Variants in ADAR observed in about 807,000 individuals in gnomAD.
The protein encoded by ADAR is double-stranded RNA-specific adenosine deaminase.
In ADAR, 41 loss-of-function variants were observed where a neutral mutation model predicts 113.2. The ratio of observed to expected loss-of-function variants is 0.36; its 90% confidence interval spans 0.28 to 0.47. The LOEUF is 0.47. ADAR is among the 20% of genes least tolerant of loss of function. ADAR has a pLI of 1.00. For synonymous variants in ADAR, 605 were observed against 572.6 expected (o/e 1.06, Z -0.81); for missense variants, 1,242 against 1,540.9 (o/e 0.81, Z 3.25).
chr1:154,592,906 C>T (rs1342353581), intron 6 of ADAR, among the ~76,000 whole-genome samples: 12 of 151,574 alleles, frequency 7.9e-5, no homozygotes, highest in Admixed American at 4.0e-4. Flanking sequence ...GAGGCTGAGG[C>T]GGGTGGATCA....
intron 1 of ADAR, chr1:154,606,062 T>A: frequency 1.9e-6 from 1 of 538,462 alleles, no homozygotes; most frequent in Non-Finnish European, 2.4e-6. Flanking sequence ...TGGAGTGCAG[T>A]GGCATGATCT....
chr1:154,583,546 C>T lies in ADAR; in HGVS notation c.*1260G>A, dbSNP rs1405874994. ...CCTGCCCTTTCACCCACAACTACTG[C>T]TTTCTATGTCAACCCTATAAAGATC... On this transcript the variant is annotated 3_prime_UTR_variant, in exon 15 of 15. Coordinates refer to ENST00000368474, the MANE Select transcript of ADAR (RefSeq NM_001111.5). 3.3e-5 allele frequency: 5 copies of T among 152,236 alleles called. No individual in the cohort carries two copies. The highest frequency in any genetic ancestry group is 7.3e-5 in the Non-Finnish European group (5 of 68,058). 9.4% of individuals were successfully genotyped at this position (152,236 alleles called of 1,614,324 possible).
In ADAR at chr1:154,582,251, A is replaced by C. The variant is rs981531408; in HGVS notation, c.*2555T>G. The C allele has an allele frequency of 3.3e-5, 5 of 152,614 alleles. No homozygotes were observed. In the East Asian group the frequency reaches 9.7e-4, roughly 29 times the overall value. 9.5% of individuals were successfully genotyped at this position (152,614 alleles called of 1,614,324 possible). On this transcript the variant is annotated 3_prime_UTR_variant, in exon 15 of 15. Coordinates refer to ENST00000368474, the MANE Select transcript of ADAR (RefSeq NM_001111.5). Reference sequence around the variant, plus strand: ...CAACCAAGACTCCAAAAAACCAACGAAGTCCCTTCAATGTGAGTAAAGGAA... The same window carrying C: ...CAACCAAGACTCCAAAAAACCAACGCAGTCCCTTCAATGTGAGTAAAGGAA...
At chr1:154,598,019 C>A (rs774775350) in intron 3 of ADAR, 43 bp from the exon 4 acceptor site, 22 of 1,596,030 alleles carry the variant, frequency 1.4e-5, no homozygotes, top group African/African-American at 4.0e-5. Flanking sequence ...ACTAAGAAAA[C>A]ACTGGTTAGT....
chr1:154,588,758 G>C, intron 9 of ADAR, 85 bp from the exon 10 acceptor site: 1 of 1,564,846 alleles, frequency 6.4e-7, no homozygotes, highest in Non-Finnish European at 8.8e-7. Flanking sequence ...AAATGAGAAA[G>C]TAAGGAAAAG....
chr1:154,627,789 G>C, intron 1 of ADAR: 1 of 510,704 alleles, frequency 2.0e-6, no homozygotes, highest in Non-Finnish European at 3.9e-6. Flanking sequence ...CCAGAGACTG[G>C]AGAGGCCGCA....
intron 8 of ADAR, 59 bp from the exon 9 acceptor site, chr1:154,589,521 T>C: frequency 6.8e-7 from 1 of 1,470,458 alleles, no homozygotes. Flanking sequence ...GAAAACAGGA[T>C]GAAGGCTATT....
intron 10 of ADAR, 30 bp from the exon 11 acceptor site, chr1:154,588,288 A>C: frequency 1.1e-5 from 18 of 1,613,598 alleles, no homozygotes; most frequent in Non-Finnish European, 1.4e-5. Flanking sequence ...GTTAAAACTC[A>C]CCTGTGGGAA....
chr1:154,585,123 G>A, intron 14 of ADAR, 80 bp from the exon 15 acceptor site: 1 of 1,612,510 alleles, frequency 6.2e-7, no homozygotes, highest in Non-Finnish European at 8.5e-7. Context: ...TGGGAGGGGA[G>A]GCGGCTCTCA....
At chr1:154,610,824 G>GAAAAAAAAAAAAAAAAAAAAAAA (rs1298389364), upstream of ADAR, among the ~76,000 whole-genome samples, 1 of 65,204 alleles carries the variant, frequency 1.5e-5, no homozygotes, top group Non-Finnish European at 2.7e-5. Context: ...AAAAAAAAAA[G>GAAAAAAAAAAAAAAAAAAAAAAA]AAAAAAAAAA....
At chr1:154,609,917 C>T (rs1318584354), upstream of ADAR, among the ~76,000 whole-genome samples, 2 of 152,186 alleles carry the variant, frequency 1.3e-5, no homozygotes, top group Non-Finnish European at 2.9e-5. Context: ...AAGTCATCTC[C>T]TCGGGGGCAG....
intron 9 of ADAR, 42 bp from the exon 10 acceptor site, chr1:154,588,715 G>C (rs1160988662): frequency 6.2e-7 from 1 of 1,613,324 alleles, no homozygotes; most frequent in Non-Finnish European, 8.5e-7. Context: ...GTTCAATTCT[G>C]GGAAAAGCAG....
At chr1:154,616,344 AT>A (rs1698636707) in intron 1 of ADAR, among the ~76,000 whole-genome samples, 1 of 152,170 alleles carries the variant, frequency 6.6e-6, no homozygotes, top group Non-Finnish European at 1.5e-5. Flanking sequence ...TAGCCCTGCC[AT>A]CCTTCTCCCT....
At chr1:154,589,632 T>A (rs1179728755) in intron 8 of ADAR, 125 bp downstream of exon 8, 1 of 1,306,678 alleles carries the variant, frequency 7.7e-7, no homozygotes, top group Non-Finnish European at 1.1e-6. Context: ...CACTCTGAAT[T>A]GACTGTAGCT....
chr1:154,610,840 A>AAAAAAAAAAAAAAAAT (rs1698465389), upstream of ADAR, among the ~76,000 whole-genome samples: 1 of 144,796 alleles, frequency 6.9e-6, no homozygotes, highest in Non-Finnish European at 1.5e-5. Context: ...AAAAAAAAAA[A>AAAAAAAAAAAAAAAAT]AGACAAAATT....
chr1:154,603,636 C>G (rs1364577463), intron 1 of ADAR, among the ~76,000 whole-genome samples: 1 of 152,094 alleles, frequency 6.6e-6, no homozygotes, highest in Non-Finnish European at 1.5e-5. Flanking sequence ...CCTTTCCCCA[C>G]CCACCCACCT....
At chr1:154,586,414 T>C in intron 11 of ADAR, 51 bp from the exon 12 acceptor site, 2 of 1,568,122 alleles carry the variant, frequency 1.3e-6, no homozygotes, top group African/African-American at 2.7e-5. Flanking sequence ...ACCAAACCAC[T>C]CCCTGGCGTG....
intron 6 of ADAR, among the ~76,000 whole-genome samples, chr1:154,593,026 T>G (rs1697249187): frequency 6.7e-6 from 1 of 148,668 alleles, no homozygotes; most frequent in Non-Finnish European, 1.5e-5. Flanking sequence ...TCCCAGCTAC[T>G]CGAGGAGCTG....
At chr1:154,591,704 A>G (rs1241064383) in intron 6 of ADAR, among the ~76,000 whole-genome samples, 5 of 152,270 alleles carry the variant, frequency 3.3e-5, no homozygotes, top group African/African-American at 9.6e-5. Context: ...CTAACTGCAT[A>G]TAACAGAGGC....
Sources: gnomAD v4.1 joint callset for allele counts (sites outside exome capture counted in the v4.1 genomes callset) on GRCh38, gnomAD v4.1.1 for gene constraint, MANE v1.5 for transcripts, NCBI Gene and HGNC (gene_info 2026-07-23, HGNC 2026-07-21) for gene names.